ADGRL2: variants seen among roughly 807,000 people sequenced by gnomAD.
ADGRL2 encodes adhesion G protein-coupled receptor L2, also known as calcium-independent alpha-latrotoxin receptor 2.
In ADGRL2, 44 loss-of-function variants were observed where a neutral mutation model predicts 157.4. The ratio of observed to expected loss-of-function variants is 0.28; its 90% CI spans 0.22 to 0.36. The LOEUF (loss-of-function observed/expected upper bound fraction) is 0.36, where lower values mean the gene tolerates loss of function less well. Ranked by LOEUF, ADGRL2 falls within the 10% of genes least tolerant of loss-of-function variation. The probability of loss-of-function intolerance (pLI) is 1.00; values close to 1 mark genes in which losing one functional copy is unlikely to be tolerated. For missense variants in ADGRL2, 1,510 were observed against 1,768.9 expected, an observed-to-expected ratio of 0.85 and a Z score of 2.63; for synonymous variants, 585 against 624.7, an observed-to-expected ratio of 0.94 and a Z score of 0.95.
At position 81,968,086 on chromosome 1, in the gene ADGRL2, G is replaced by A. The variant is rs1216545723; in HGVS notation, c.2410G>A (p.Gly804Arg). The A allele has an allele frequency of 6.2e-7, 1 of 1,613,778 alleles. No homozygotes were observed. The highest frequency in any genetic ancestry group is 8.5e-7 in the Non-Finnish European group (1 of 1,179,824). ...GAACTACTCAGAGAGAACTATGATG[G>A]GATATTGGTCTACCCAGGGCTGCAA... ...FWNYSERTMM[G>R]YWSTQGCKLV... The change falls in exon 14 of 24, where the codon GGA (glycine) becomes AGA (arginine). Residue 804 changes from glycine to arginine, a missense_variant. Transcript: ENST00000686636.
chr1:81,604,967 A>T (rs1371325414), intron 3 of ADGRL2, among the ~76,000 whole-genome samples: 1 of 152,214 alleles, frequency 6.6e-6, no homozygotes, highest in African/African-American at 2.4e-5. Flanking sequence ...TTTAGATGTC[A>T]AAGCACTTAC....
At chr1:81,716,472 T>A (rs752872995) in intron 1 of ADGRL2, among the ~76,000 whole-genome samples, 33 of 152,186 alleles carry the variant, frequency 2.2e-4, no homozygotes, top group Non-Finnish European at 4.4e-4. Flanking sequence ...AAAAATATAA[T>A]TTTATTCTCA....
chr1:81,750,983 G>T (rs2085472041), intron 1 of ADGRL2, among the ~76,000 whole-genome samples: 1 of 152,054 alleles, frequency 6.6e-6, no homozygotes, highest in Non-Finnish European at 1.5e-5. Flanking sequence ...TCATCTAAAA[G>T]AAATTAAGAC....
chr1:81,422,308 G>A (rs1448127837), intron 1 of ADGRL2, among the ~76,000 whole-genome samples: 5 of 151,976 alleles, frequency 3.3e-5, no homozygotes, highest in South Asian at 2.1e-4. Flanking sequence ...GCAATGGTAC[G>A]ATCTCAGCTC....
intron 1 of ADGRL2, among the ~76,000 whole-genome samples, chr1:81,734,876 A>C (rs1372223667): frequency 6.9e-6 from 1 of 145,436 alleles, no homozygotes; most frequent in East Asian, 2.0e-4. Context: ...TCTACTAAAA[A>C]TACAAAATTA....
At chr1:81,717,476 G>A (rs542704959) in intron 1 of ADGRL2, among the ~76,000 whole-genome samples, 1 of 152,158 alleles carries the variant, frequency 6.6e-6, no homozygotes, top group Non-Finnish European at 1.5e-5. Flanking sequence ...TTCCTATTTT[G>A]AGTGAAATTA....
At chr1:81,392,732 G>A (rs2076581751) in intron 1 of ADGRL2, among the ~76,000 whole-genome samples, 1 of 151,960 alleles carries the variant, frequency 6.6e-6, no homozygotes. Context: ...AACTGGCAAA[G>A]TTTCTTTTTA....
chr1:81,435,510 C>T (rs1009573887), intron 1 of ADGRL2, among the ~76,000 whole-genome samples: 2 of 152,170 alleles, frequency 1.3e-5, no homozygotes, highest in African/African-American at 4.8e-5. Flanking sequence ...AGGGAAACCA[C>T]TTTTTGTTCT....
intron 2 of ADGRL2, among the ~76,000 whole-genome samples, chr1:81,890,257 C>G (rs535738368): frequency 6.6e-6 from 1 of 152,276 alleles, no homozygotes; most frequent in African/African-American, 2.4e-5. Context: ...GACAGGAATT[C>G]ACATACCAGA....
chr1:81,652,882 A>C (rs901922637), intron 3 of ADGRL2, among the ~76,000 whole-genome samples: 1 of 152,114 alleles, frequency 6.6e-6, no homozygotes, highest in Non-Finnish European at 1.5e-5. Context: ...CCAGTTTTGA[A>C]TGTTTTAAGT....
At chr1:81,558,578 C>A (rs960330849) in intron 2 of ADGRL2, among the ~76,000 whole-genome samples, 1 of 152,142 alleles carries the variant, frequency 6.6e-6, no homozygotes, top group East Asian at 1.9e-4. Flanking sequence ...CTTCATGCAA[C>A]CTTTCAGCTC....
chr1:81,797,147 G>A (rs933360095), upstream of ADGRL2, among the ~76,000 whole-genome samples: 1 of 152,116 alleles, frequency 6.6e-6, no homozygotes, highest in African/African-American at 2.4e-5. Context: ...TCAGCACCAA[G>A]CATCATCAAC....
At chr1:81,675,517 T>C (rs534301122) in intron 3 of ADGRL2, among the ~76,000 whole-genome samples, 2 of 152,324 alleles carry the variant, frequency 1.3e-5, no homozygotes, top group African/African-American at 4.8e-5. Context: ...TTTCTGGGTT[T>C]TTGTTATTGT....
intron 2 of ADGRL2, among the ~76,000 whole-genome samples, chr1:81,872,049 G>A (rs1011642445): frequency 1.3e-5 from 2 of 152,090 alleles, no homozygotes; most frequent in South Asian, 2.1e-4. Context: ...TTCTTCTAGG[G>A]TTTTTATGGT....
chr1:81,622,495 C>T (rs202118961), intron 3 of ADGRL2, among the ~76,000 whole-genome samples: 1 of 152,174 alleles, frequency 6.6e-6, no homozygotes, highest in Non-Finnish European at 1.5e-5. Context: ...GCAGGAGAAT[C>T]GCTTGAACCT....
At chr1:81,399,522 A>G (rs1444304231) in intron 1 of ADGRL2, among the ~76,000 whole-genome samples, 1 of 151,932 alleles carries the variant, frequency 6.6e-6, no homozygotes, top group African/African-American at 2.4e-5. Flanking sequence ...CAAATGACCC[A>G]TCTTCAAGTT....
chr1:81,899,494 G>T (rs1054907509), intron 2 of ADGRL2, among the ~76,000 whole-genome samples: 2 of 152,132 alleles, frequency 1.3e-5, no homozygotes, highest in Non-Finnish European at 2.9e-5. Flanking sequence ...TTTATAGCTT[G>T]GGGGGAAAAA....
At chr1:81,311,724 T>C (rs1455292301) in intron 1 of ADGRL2, among the ~76,000 whole-genome samples, 1 of 152,222 alleles carries the variant, frequency 6.6e-6, no homozygotes, top group East Asian at 1.9e-4. Context: ...TATTAAAATT[T>C]ACACATGCTT....
At chr1:81,889,445 G>A (rs1283651589) in intron 2 of ADGRL2, among the ~76,000 whole-genome samples, 1 of 152,180 alleles carries the variant, frequency 6.6e-6, no homozygotes, top group East Asian at 1.9e-4. Flanking sequence ...ATAATCCAGA[G>A]CAAGGCCCCA....
Sources: allele counts gnomAD v4.1 joint callset (sites outside exome capture counted in the v4.1 genomes callset), GRCh38; gene constraint gnomAD v4.1.1; transcripts MANE v1.5; gene names NCBI Gene and HGNC (gene_info 2026-07-23, HGNC 2026-07-21).